Variants in DENND1B observed in about 807,000 individuals in gnomAD.
DENND1B encodes the protein DENN domain-containing protein 1B.
In DENND1B, 59 loss-of-function variants were observed where a neutral mutation model predicts 90.1. The observed-to-expected ratio is 0.65, with a 90% CI of 0.53 to 0.81. The LOEUF is 0.81. Ranked by LOEUF, DENND1B falls within the 40% of genes least tolerant of loss-of-function variation. DENND1B has a pLI of 0.00. For missense variants in DENND1B, 862 were observed against 912.6 expected (o/e 0.94, Z 0.71); for synonymous variants, 337 against 324.6 (o/e 1.04, Z -0.41).
In DENND1B at chr1:197,678,183, C is replaced by T. The variant is rs563031563; in HGVS notation, c.127-4014G>A. ...AGTCAGAATTCAACCCATTCGTCTC[C>T]CGATAACCATGACACATGTAATTAC... On this transcript the variant is annotated intron_variant, in intron 3 of 22. Coordinates refer to ENST00000620048, the MANE Select transcript of DENND1B (RefSeq NM_001195215.2). Among the ~76,000 whole-genome samples the T allele has an allele frequency of 2.7e-4, 41 of 152,210 alleles. 1 individual carries two copies. In the South Asian group the frequency reaches 7.9e-3, roughly 29 times the overall value.
chr1:197,608,316 G>C (rs989035761), intron 12 of DENND1B, among the ~76,000 whole-genome samples: 3 of 150,462 alleles, frequency 2.0e-5, no homozygotes, highest in African/African-American at 7.3e-5. Flanking sequence ...TCTACAGTGA[G>C]GACAGATGAT....
At chr1:197,598,133 G>T (rs1675875023) in intron 13 of DENND1B, among the ~76,000 whole-genome samples, 1 of 151,612 alleles carries the variant, frequency 6.6e-6, no homozygotes, top group Non-Finnish European at 1.5e-5. Flanking sequence ...AACTAAAATT[G>T]CCTGGCAAGA....
At chr1:197,562,624 T>A (rs2125707460) in intron 15 of DENND1B, among the ~76,000 whole-genome samples, 1 of 151,966 alleles carries the variant, frequency 6.6e-6, no homozygotes, top group South Asian at 2.1e-4. Context: ...CTCCACTGAC[T>A]GGCTATTCTC....
chr1:197,600,932 T>C (rs1676151289), intron 13 of DENND1B, among the ~76,000 whole-genome samples: 1 of 151,626 alleles, frequency 6.6e-6, no homozygotes, highest in Admixed American at 6.6e-5. Flanking sequence ...CCCCCGAGAA[T>C]TTATGCACTA....
At chr1:197,694,275 C>G (rs1658206393) in intron 3 of DENND1B, among the ~76,000 whole-genome samples, 1 of 151,208 alleles carries the variant, frequency 6.6e-6, no homozygotes, top group African/African-American at 2.4e-5. Flanking sequence ...TTATAATAAA[C>G]AAAATTATTT....
At chr1:197,555,204 A>G (rs1558235283) in intron 15 of DENND1B, among the ~76,000 whole-genome samples, 1 of 152,148 alleles carries the variant, frequency 6.6e-6, no homozygotes, top group Non-Finnish European at 1.5e-5. Context: ...TTAAAGACTT[A>G]AATGTAAGAC....
At position 197,521,269 on chromosome 1, in the gene DENND1B, A is replaced by G. The variant is rs1367734901; in HGVS notation, c.1516-8316T>C. 5.3e-5 allele frequency among the ~76,000 whole-genome samples: 8 copies of G among 151,980 alleles called. No individual in the cohort carries two copies. The East Asian group carries it at 1.6e-3, about 30-fold the overall frequency. ...TTCCAGAAAGTGAATCAGAAAGTAG[A>G]ATGATGAAAATCACTCCCCTGATGC... On this transcript the variant is annotated intron_variant, in intron 20 of 22. Coordinates refer to ENST00000620048, the MANE Select transcript of DENND1B (RefSeq NM_001195215.2).
chr1:197,630,136 G>A (rs1325152691), intron 10 of DENND1B, among the ~76,000 whole-genome samples: 1 of 152,052 alleles, frequency 6.6e-6, no homozygotes, highest in Non-Finnish European at 1.5e-5. Flanking sequence ...AGACATTTTG[G>A]TGGTTTCAAA....
intron 5 of DENND1B, among the ~76,000 whole-genome samples, chr1:197,664,007 A>G (rs911786064): frequency 7.1e-6 from 1 of 141,020 alleles, no homozygotes; most frequent in South Asian, 2.2e-4. Context: ...TGAAACACAC[A>G]CATACACACA....
intron 2 of DENND1B, among the ~76,000 whole-genome samples, chr1:197,768,165 T>G (rs1303943005): frequency 1.3e-5 from 2 of 151,606 alleles, no homozygotes; most frequent in African/African-American, 2.4e-5. Context: ...CTCCTCCTCC[T>G]CTTCGTCGTC....
intron 13 of DENND1B, among the ~76,000 whole-genome samples, chr1:197,599,577 A>G (rs1676012749): frequency 6.6e-6 from 1 of 151,888 alleles, no homozygotes. Flanking sequence ...TATAAAGTTG[A>G]AAACTTTTAT....
rs942249485 is a variant in DENND1B, at chr1:197,651,638, A to G, written c.447+597T>C. Among the ~76,000 whole-genome samples, 18 of 147,098 alleles carry G rather than the reference A, an allele frequency of 1.2e-4. 1 individual carries two copies. ...TATGCACGGATTTCACCTGAAAATC[A>G]ATGCTTCTTTTTTTTTTTTTTTTTT... On this transcript the variant is annotated intron_variant, in intron 7 of 22. Coordinates refer to ENST00000620048, the MANE Select transcript of DENND1B (RefSeq NM_001195215.2).
chr1:197,654,766 C>T (rs997809421), intron 6 of DENND1B, among the ~76,000 whole-genome samples: 3 of 151,994 alleles, frequency 2.0e-5, no homozygotes, highest in African/African-American at 7.3e-5. Flanking sequence ...CCTTTACTTG[C>T]GACCACCACC....
intron 2 of DENND1B, chr1:197,757,422 A>G (rs1414540218): frequency 6.6e-6 from 1 of 152,174 alleles, no homozygotes; most frequent in African/African-American, 2.4e-5. Flanking sequence ...ATAAGAACAT[A>G]TTGATCCCCT....
intron 13 of DENND1B, among the ~76,000 whole-genome samples, chr1:197,600,272 C>T (rs566712738): frequency 1.3e-5 from 2 of 151,958 alleles, no homozygotes; most frequent in Admixed American, 6.6e-5. Flanking sequence ...TCTATTCTCC[C>T]TTTCTTTGCT....
At chr1:197,673,015 G>C (rs1655677218) in intron 4 of DENND1B, among the ~76,000 whole-genome samples, 1 of 151,964 alleles carries the variant, frequency 6.6e-6, no homozygotes, top group African/African-American at 2.4e-5. Flanking sequence ...AATAGCCATA[G>C]GGATTGTGCA....
intron 5 of DENND1B, among the ~76,000 whole-genome samples, chr1:197,667,492 C>G (rs1467474390): frequency 2.6e-5 from 4 of 152,054 alleles, no homozygotes; most frequent in Non-Finnish European, 4.4e-5. Flanking sequence ...TACAGTGGCA[C>G]AATCTCAGCT....
intron 5 of DENND1B, among the ~76,000 whole-genome samples, chr1:197,668,625 ATATACTTGAAAACATT>A (rs1401216430): frequency 6.6e-6 from 1 of 151,352 alleles, no homozygotes; most frequent in Admixed American, 6.6e-5. Context: ...CATTGTTTGT[ATATACTTGAAAACATT>A]GTTTTCAAGT....
chr1:197,718,502 T>C (rs1014861961), intron 2 of DENND1B, among the ~76,000 whole-genome samples: 2 of 151,894 alleles, frequency 1.3e-5, no homozygotes, highest in Non-Finnish European at 2.9e-5. Context: ...TGTGGACACA[T>C]AATGGTGAAC....
Sources: gnomAD v4.1 joint callset for allele counts (sites outside exome capture counted in the v4.1 genomes callset) on GRCh38, gnomAD v4.1.1 for gene constraint, MANE v1.5 for transcripts, NCBI Gene and HGNC (gene_info 2026-07-23, HGNC 2026-07-21) for gene names.